The following CACNA1E variants were observed in gnomAD, a reference collection of about 807,000 sequenced individuals.
CACNA1E encodes the protein calcium voltage-gated channel subunit alpha1 E.
A neutral mutation model predicts 259.2 loss-of-function variants in CACNA1E; 40 were observed. The ratio of observed to expected loss-of-function variants is 0.15; its 90% confidence interval spans 0.12 to 0.20. CACNA1E has a LOEUF of 0.20. CACNA1E is among the 10% of genes least tolerant of loss of function. The pLI is 1.00. For missense variants in CACNA1E, 1,874 were observed against 3,040.1 expected (o/e 0.62, Z 9.02); for synonymous variants, 1,104 against 1,138.5 (o/e 0.97, Z 0.61).
intron 7 of CACNA1E, among the ~76,000 whole-genome samples, chr1:181,680,975 C>T (rs1327124941): frequency 6.6e-6 from 1 of 152,238 alleles, no homozygotes; most frequent in Non-Finnish European, 1.5e-5. Flanking sequence ...TCAACAAGTA[C>T]CCGTGCAGTC....
chr1:181,422,234 T>C (rs1423807150), intron 2 of CACNA1E, among the ~76,000 whole-genome samples: 2 of 152,244 alleles, frequency 1.3e-5, no homozygotes, highest in African/African-American at 2.4e-5. Flanking sequence ...ACAAGAATGT[T>C]GGTGCCGTGA....
chr1:181,383,509 A>C (rs1027633294), intron 1 of CACNA1E, among the ~76,000 whole-genome samples: 5 of 152,186 alleles, frequency 3.3e-5, no homozygotes, highest in Non-Finnish European at 7.3e-5. Flanking sequence ...GTGTGTGGCA[A>C]ATGCCTTTAG....
At chr1:181,389,751 C>G (rs1447463902) in intron 1 of CACNA1E, among the ~76,000 whole-genome samples, 4 of 152,196 alleles carry the variant, frequency 2.6e-5, no homozygotes, top group Admixed American at 2.6e-4. Context: ...CAGTGTTTCA[C>G]CCAGAGTGGC....
chr1:181,772,070 G>T lies in CACNA1E; in HGVS notation c.4978G>T (p.Ala1660Ser). ...CAAAATGTCTCTTGGGCTCAGGAGT[G>T]CCACAGGTGAGGCCTGGCAGGAGAT... ...FGSLMLLFRSATGEAWQEIML... is the reference protein window; with the variant it reads ...FGSLMLLFRSSTGEAWQEIML... The change falls in exon 37 of 48, where the codon GCC becomes TCC. Residue 1660 changes from alanine to serine, a missense_variant. Physicochemically the swap from Ala to Ser is moderately conservative, Grantham distance 99. This residue lies in a region of CACNA1E where 147 missense variants were observed against 337.1 expected (regional missense o/e 0.44). Coordinates refer to ENST00000367573, the MANE Select transcript of CACNA1E (RefSeq NM_001205293.3). The T allele has an allele frequency of 6.2e-7, 1 of 1,613,790 alleles. No homozygotes were observed. The highest frequency in any genetic ancestry group is 8.5e-7 in the Non-Finnish European group (1 of 1,179,784).
At chr1:181,748,967 G>GC (rs1408820765) in intron 25 of CACNA1E, among the ~76,000 whole-genome samples, 2 of 152,172 alleles carry the variant, frequency 1.3e-5, no homozygotes, top group East Asian at 3.9e-4. Context: ...GTGAGAAGAT[G>GC]CTGGGGAAGA....
chr1:181,403,872 G>T (rs73046119), intron 1 of CACNA1E, among the ~76,000 whole-genome samples: 5,631 of 152,162 alleles, frequency 0.037, 324 homozygotes, highest in African/African-American at 0.12. Flanking sequence ...TCTTGGCCCT[G>T]CTCTCCTCCA....
intron 7 of CACNA1E, among the ~76,000 whole-genome samples, chr1:181,687,761 T>C (rs1198938012): frequency 6.6e-6 from 1 of 152,144 alleles, no homozygotes; most frequent in East Asian, 1.9e-4. Flanking sequence ...TTTCCATATA[T>C]ATATTTTATT....
chr1:181,557,979 A>G (rs1183979872), intron 3 of CACNA1E, among the ~76,000 whole-genome samples: 2 of 152,218 alleles, frequency 1.3e-5, no homozygotes, highest in Non-Finnish European at 2.9e-5. Flanking sequence ...ACCTTAGAAG[A>G]GCAAAAAGGA....
chr1:181,420,832 G>A (rs1323989735), intron 2 of CACNA1E, among the ~76,000 whole-genome samples: 2 of 152,106 alleles, frequency 1.3e-5, no homozygotes. Context: ...GAGGGAGGGG[G>A]TATTTCCATA....
At position 181,784,743 on chromosome 1, in the gene CACNA1E, G is replaced by C; in HGVS notation, c.5553G>C (p.Leu1851=). The C allele has an allele frequency of 6.3e-7, 1 of 1,577,546 alleles. No individual in the cohort carries two copies. Among genetic ancestry groups the C allele is most frequent in the Non-Finnish European group, 8.6e-7 (1 of 1,161,006 alleles). The change falls in exon 41 of 48, where the codon CTG becomes CTC. Residue 1851 remains leucine (L), a synonymous_variant. Coordinates refer to ENST00000367573, the MANE Select transcript of CACNA1E (RefSeq NM_001205293.3). ...AIWPHLSQKM[L]DLLVPMPKAS... ...GGCCTCACCTATCCCAGAAGATGCT[G>C]GATCTGCTTGTGCCCATGCCCAAAG...
At chr1:181,565,186 T>C (rs1649696587) in intron 3 of CACNA1E, among the ~76,000 whole-genome samples, 1 of 152,200 alleles carries the variant, frequency 6.6e-6, no homozygotes, top group Admixed American at 6.5e-5. Context: ...ATCTAGATGG[T>C]ATTATCTATA....
At chr1:181,348,485 C>T (rs993458722) in intron 1 of CACNA1E, among the ~76,000 whole-genome samples, 9 of 152,132 alleles carry the variant, frequency 5.9e-5, no homozygotes, top group African/African-American at 2.2e-4. Context: ...AATGGCAGTT[C>T]TGCTGTTATC....
rs113114637 is a variant in CACNA1E at position 181,717,813 on chromosome 1, A to G, written c.1526-242A>G. 3.5e-3 allele frequency among the ~76,000 whole-genome samples: 526 copies of G among 152,290 alleles called. 4 individuals are homozygous for G. Among genetic ancestry groups the G allele is most frequent in the African/African-American group, 0.012 (507 of 41,568 alleles). ...CCCCTGAGGGCCCTCTACCATATAA[A>G]GACCAGTGACAGGCCTACCTATTGA... is the stretch of plus-strand genomic sequence containing the variant. On this transcript the variant is annotated intron_variant, in intron 11 of 47. Transcript: ENST00000367573.
In CACNA1E at chr1:181,584,819, G is replaced by A. The variant is rs78364517; in HGVS notation, c.951+4043G>A. 9.1e-3 allele frequency among the ~76,000 whole-genome samples: 1,392 copies of A among 152,254 alleles called. 31 individuals are homozygous for A. Among genetic ancestry groups the A allele is most frequent in the African/African-American group, 0.032 (1,333 of 41,534 alleles). ...TAGTAGAACTACTCAAAACTAATTT[G>A]ACAAATAGGTGGCAGGAGTCTATGA... On this transcript the variant is annotated intron_variant, in intron 6 of 47. Transcript: ENST00000367573.
At chr1:181,512,314 G>T (rs12034549) in intron 3 of CACNA1E, among the ~76,000 whole-genome samples, 1 of 152,174 alleles carries the variant, frequency 6.6e-6, no homozygotes, top group Admixed American at 6.5e-5. Context: ...CTTGGTACCT[G>T]CAAAGCTGGG....
At chr1:181,657,555 T>G (rs1659305998) in intron 7 of CACNA1E, among the ~76,000 whole-genome samples, 1 of 152,162 alleles carries the variant, frequency 6.6e-6, no homozygotes, top group Admixed American at 6.5e-5. Context: ...AAATTCTACA[T>G]GTGTTACTTT....
intron 9 of CACNA1E, 122 bp from the exon 10 acceptor site, chr1:181,715,918 G>T: frequency 1.5e-6 from 1 of 669,134 alleles, no homozygotes. Flanking sequence ...ATTAAAGGCA[G>T]ATAGATGCCT....
chr1:181,652,298 C>A (rs1572495525), intron 7 of CACNA1E, among the ~76,000 whole-genome samples: 1 of 152,114 alleles, frequency 6.6e-6, no homozygotes, highest in Admixed American at 6.5e-5. Flanking sequence ...TTTTTCTAAG[C>A]AAAACTGAAC....
At chr1:181,629,802 A>G (rs1343582780) in intron 6 of CACNA1E, among the ~76,000 whole-genome samples, 1 of 152,178 alleles carries the variant, frequency 6.6e-6, no homozygotes, top group Non-Finnish European at 1.5e-5. Flanking sequence ...GAAAAATGCA[A>G]ATTAAAGCAA....
Sources: allele counts gnomAD v4.1 joint callset (sites outside exome capture counted in the v4.1 genomes callset), GRCh38; gene constraint gnomAD v4.1.1; regional missense constraint gnomAD v4.1.1; transcripts MANE v1.5; gene names NCBI Gene and HGNC (gene_info 2026-07-23, HGNC 2026-07-21).